BCL9L: variants seen among roughly 807,000 people sequenced by gnomAD.
The protein encoded by BCL9L is B-cell CLL/lymphoma 9-like protein.
In BCL9L, 19 loss-of-function variants were observed where a neutral mutation model predicts 99.4. The observed-to-expected ratio is 0.19, with a 90% CI of 0.13 to 0.28. The LOEUF (loss-of-function observed/expected upper bound fraction) is 0.28. Ranked by LOEUF, BCL9L falls within the 10% of genes least tolerant of loss-of-function variation. The probability of loss-of-function intolerance (pLI) is 1.00; values close to 1 mark genes in which losing one functional copy is unlikely to be tolerated. For synonymous variants in BCL9L, 900 were observed against 854.8 expected, an observed-to-expected ratio of 1.05 and a Z score of -0.92; for missense variants, 2,023 against 2,101.6, an observed-to-expected ratio of 0.96 and a Z score of 0.73.
rs1318839227 is a variant in BCL9L, at chr11:118,908,470, C to T, written c.212G>A (p.Gly71Asp). The T allele has an allele frequency of 3.7e-6, 6 of 1,614,154 alleles. No homozygotes were observed. Among genetic ancestry groups the T allele is most frequent in the East Asian group, 4.5e-5 (2 of 44,878 alleles). The change falls in exon 4 of 10, where the codon GGC becomes GAC. Residue 71 changes from glycine (G) to aspartate (D), a missense_variant. By Grantham distance (94) the Gly-to-Asp change is moderately conservative. Around this residue, in one of 3 missense-constraint regions of BCL9L, gnomAD observed 1,116 missense variants for 1,194.6 expected, o/e 0.93. Transcript: ENST00000683865. ...NVNQGPTCNV[G>D]SKGVGAGNHG... ...GTTCCCCGCCCCCACGCCCTTCGAGCCCACGTTGCAGGTGGGTCCTTGGTT... is the reference window on the plus strand; with the variant it reads ...GTTCCCCGCCCCCACGCCCTTCGAGTCCACGTTGCAGGTGGGTCCTTGGTT...
chr11:118,913,628 G>A (rs189183850), intron 2 of BCL9L, among the ~76,000 whole-genome samples: 69 of 152,150 alleles, frequency 4.5e-4, no homozygotes, highest in Admixed American at 1.0e-3. Flanking sequence ...GGCAGGCGGC[G>A]GGCACTCTGG....
At chr11:118,923,110 C>G (rs1941189622) in intron 1 of BCL9L, among the ~76,000 whole-genome samples, 1 of 152,088 alleles carries the variant, frequency 6.6e-6, no homozygotes, top group Non-Finnish European at 1.5e-5. Flanking sequence ...GACAGTGGCT[C>G]CCTCCACTCC....
chr11:118,915,156 C>T (rs1270619339), intron 2 of BCL9L, among the ~76,000 whole-genome samples: 1 of 152,084 alleles, frequency 6.6e-6, no homozygotes, highest in Non-Finnish European at 1.5e-5. Flanking sequence ...AGTTTGTAGT[C>T]AGACAGTGTC....
In BCL9L at chr11:118,898,996, C is replaced by T. The variant is rs779741410; in HGVS notation, c.3919G>A (p.Asp1307Asn). The change falls in exon 10 of 10, where the codon GAC becomes AAC. Residue 1307 changes from aspartate to asparagine, a missense_variant. Asp to Asn is a conservative substitution (Grantham distance 23). Transcript: ENST00000683865. ...CGGATCACCTCGCTCAGCTCGGGGTCGTTCAGCACTGATGCCACCCCAGGG... is the reference window on the plus strand; with the variant it reads ...CGGATCACCTCGCTCAGCTCGGGGTTGTTCAGCACTGATGCCACCCCAGGG... Reference protein sequence around the residue: ...VLPGVASVLNDPELSEVIRPT... With the variant: ...VLPGVASVLNNPELSEVIRPT... 8 of 1,613,652 alleles carry T rather than the reference C, an allele frequency of 5.0e-6. No individual in the cohort carries two copies. In the Admixed American group the frequency reaches 5.0e-5, roughly 10 times the overall value.
In BCL9L at chr11:118,901,045, CAGG is replaced by C. The variant is rs773238036; in HGVS notation, c.2695_2697del (p.Pro899del). 1.3e-6 allele frequency: 2 copies of C among 1,593,168 alleles called. No homozygotes were observed. Among genetic ancestry groups the C allele is most frequent in the Non-Finnish European group, 8.6e-7 (1 of 1,169,210 alleles). On this transcript the variant is annotated inframe_deletion, in exon 8 of 10. Transcript: ENST00000683865. This position sits in a 1 kb window ranked among gnomAD's most constrained non-coding sequence, Gnocchi z 6.6. ...CGGTTTGGGGCTGAATGCACGGTCC[CAGG>C]AGGATTGGACGCAGGGGGCAGAGGC...
intron 2 of BCL9L, chr11:118,911,343 C>G (rs1203310653): frequency 2.3e-6 from 1 of 443,136 alleles, no homozygotes; most frequent in South Asian, 1.6e-5. Flanking sequence ...TGGGCGGGGA[C>G]CTGGGGGTGA....
At chr11:118,911,061 A>C (rs920577421) in intron 2 of BCL9L, among the ~76,000 whole-genome samples, 1 of 152,188 alleles carries the variant, frequency 6.6e-6, no homozygotes, top group Non-Finnish European at 1.5e-5. Context: ...GGCCGGCCAC[A>C]AGAGAGCCGA....
At position 118,901,678 on chromosome 11, in the gene BCL9L, T is replaced by G. The variant is rs773899344; in HGVS notation, c.2065A>C (p.Met689Leu). ...ATGCCCAGGGGGCGCTGCATGCCCA[T>G]CGACCGCTTCTCCAGCAGCTGGTGC... ...LRHQLLEKRS[M>L]GMQRPLGMAG... The change falls in exon 8 of 10, where the codon ATG becomes CTG. Residue 689 changes from methionine (M) to leucine (L), a missense_variant. Coordinates refer to ENST00000683865, the MANE Select transcript of BCL9L (RefSeq NM_001378213.1). The surrounding 1 kb of genome is among the most constrained non-coding windows in gnomAD (Gnocchi z 6.6). 4.7e-5 allele frequency: 76 copies of G among 1,613,570 alleles called. No individual in the cohort carries two copies. In the East Asian group the frequency reaches 1.7e-3, roughly 36 times the overall value.
chr11:118,907,503 T>C lies in BCL9L; in HGVS notation c.512A>G (p.Lys171Arg). 6.2e-7 allele frequency: 1 copy of C among 1,614,226 alleles called. No homozygotes were observed. Among genetic ancestry groups the C allele is most frequent in the Non-Finnish European group, 8.5e-7 (1 of 1,180,034 alleles). The change falls in exon 5 of 10, where the codon AAG becomes AGG. Residue 171 changes from lysine to arginine, a missense_variant. Around this residue, in one of 3 missense-constraint regions of BCL9L, gnomAD observed 1,116 missense variants for 1,194.6 expected, o/e 0.93. Coordinates refer to ENST00000683865, the MANE Select transcript of BCL9L (RefSeq NM_001378213.1). ...CTCACTGTGGGTGGCCCCAATGGGC[T>C]TGTCGTCCTCCTCACTGTCCGGTCC... is the stretch of plus-strand genomic sequence containing the variant. ...CSGPDSEEDD[K>R]PIGATHNCNV...
At chr11:118,910,359 C>T (rs1940727313) in intron 2 of BCL9L, 1 of 183,802 alleles carries the variant, frequency 5.4e-6, no homozygotes, top group Admixed American at 5.5e-5. Flanking sequence ...AGACGCGCCC[C>T]TCACCCAGGG....
Position 118,898,313 on chromosome 11 carries a change from ACC to A in BCL9L, c.*100_*101del. 1 of 273,720 alleles carries A rather than the reference ACC, an allele frequency of 3.7e-6. No homozygotes were observed. Among genetic ancestry groups the A allele is most frequent in the Non-Finnish European group, 5.6e-6 (1 of 177,582 alleles). 17.0% of individuals were successfully genotyped at this position (273,720 alleles called of 1,614,324 possible). On this transcript the variant is annotated 3_prime_UTR_variant, in exon 10 of 10. Transcript: ENST00000683865. ...ACACAAGCCCCCTCCCACCCCCTCC[ACC>A]CCACCCCGCGACCCAGGCCATCCCA...
chr11:118,909,392 A>T (rs551225201), intron 3 of BCL9L, among the ~76,000 whole-genome samples: 1 of 152,290 alleles, frequency 6.6e-6, no homozygotes, highest in South Asian at 2.1e-4. Context: ...ACCTATTAAT[A>T]GCCGCTGGAA....
At chr11:118,909,814 C>T (rs1405409502) in intron 3 of BCL9L, 100 bp downstream of exon 3, 6 of 1,583,678 alleles carry the variant, frequency 3.8e-6, no homozygotes, top group Non-Finnish European at 5.2e-6. Context: ...CCCAGGGCGG[C>T]TCCTCTCCTG....
chr11:118,907,695 C>T, intron 4 of BCL9L, 93 bp from the exon 5 acceptor site: 1 of 1,548,284 alleles, frequency 6.5e-7, no homozygotes, highest in Non-Finnish European at 8.7e-7. Context: ...CTCTAAGATG[C>T]CCCACCCTAG....
chr11:118,899,898 C>A lies in BCL9L; in HGVS notation c.3406+19G>T, dbSNP rs1591975835. 1 of 1,607,342 alleles carries A rather than the reference C, an allele frequency of 6.2e-7. No homozygotes were observed. The highest frequency in any genetic ancestry group is 2.2e-5 in the East Asian group (1 of 44,784). Reference sequence around the variant, plus strand: ...CCCACACCAGCTGGCCTCCCTGGGGCCCTGGCCTGTCCTCGCACCTGGCCC... The same window carrying A: ...CCCACACCAGCTGGCCTCCCTGGGGACCTGGCCTGTCCTCGCACCTGGCCC... On this transcript the variant is annotated intron_variant, in intron 9 of 9. Transcript: ENST00000683865.
chr11:118,899,997 G>A lies in BCL9L; in HGVS notation c.3326C>T (p.Thr1109Ile). The change falls in exon 9 of 10, where the codon ACC becomes ATC. Residue 1109 changes from threonine to isoleucine, a missense_variant. Physicochemically the swap from Thr to Ile is moderately conservative, Grantham distance 89. Coordinates refer to ENST00000683865, the MANE Select transcript of BCL9L (RefSeq NM_001378213.1). The stretch of plus-strand genomic sequence containing the variant: ...CAGCTCGTCGTCTGAGGTGGCGATG[G>A]TCTTGATGGCATTGTGGTAGAGCGG... The part of the protein sequence containing the change: ...STPLYHNAIK[T>I]IATSDDELLP... 1 of 1,614,100 alleles carries A rather than the reference G, an allele frequency of 6.2e-7. No homozygotes were observed. The highest frequency in any genetic ancestry group is 1.7e-5 in the Admixed American group (1 of 60,020).
At position 118,897,995 on chromosome 11, in the gene BCL9L, T is replaced by A; in HGVS notation, c.*420A>T. ...CAAGAGGGAGGTGGAGCTCCAGCAA[T>A]GCGGACACGAGGAGACAGGAGCAGA... On this transcript the variant is annotated 3_prime_UTR_variant, in exon 10 of 10. Coordinates refer to ENST00000683865, the MANE Select transcript of BCL9L (RefSeq NM_001378213.1). The A allele has an allele frequency of 2.4e-6, 1 of 416,208 alleles. No homozygotes were observed. The highest frequency in any genetic ancestry group is 4.7e-6 in the Non-Finnish European group (1 of 212,784). The allele number at this position is 416,208 out of a possible 1,614,324, so 25.8% of individuals were successfully genotyped here.
chr11:118,899,937 G>A lies in BCL9L; in HGVS notation c.3386C>T (p.Pro1129Leu). ...PDRPLLPPPP[P>L]PQGSGPGISN... ...CGCACCTGGCCCGGAGCCCTGCGGT[G>A]GTGGTGGGGGGGGCAGCAGGGGCCG... Residue 1129 changes from proline to leucine, a missense_variant, in exon 9 of 10, where the codon CCA (proline) becomes CTA (leucine). Coordinates refer to ENST00000683865, the MANE Select transcript of BCL9L (RefSeq NM_001378213.1). The A allele has an allele frequency of 1.2e-6, 2 of 1,613,332 alleles. No homozygotes were observed. The highest frequency in any genetic ancestry group is 1.7e-6 in the Non-Finnish European group (2 of 1,179,884).
At position 118,902,396 on chromosome 11, in the gene BCL9L, AG is replaced by A. The variant is rs754310793; in HGVS notation, c.1346del (p.Pro449LeufsTer14). The A allele has an allele frequency of 1.5e-5, 7 of 453,388 alleles. No individual in the cohort carries two copies. Among genetic ancestry groups the A allele is most frequent in the South Asian group, 2.6e-5 (1 of 37,758 alleles). 28.1% of individuals were successfully genotyped at this position (453,388 alleles called of 1,614,324 possible). A position where few individuals can be genotyped will look rare whatever the true frequency, so the allele number is the denominator to read the frequency against. ...GGGCCGTGGGTGGCTGCTGGGGGGG[AG>A]GGGGGGCTTGTGCTGGTGGGCCCCC... ...GEGGPPAQAP[P>X]PPQQPPTAPP... On this transcript the variant is annotated frameshift_variant, in exon 8 of 10. Transcript: ENST00000683865. LOFTEE classifies it high-confidence loss of function. This position sits in a 1 kb window ranked among gnomAD's most constrained non-coding sequence, Gnocchi z 7.8.
Sources: gnomAD v4.1 joint callset for allele counts (sites outside exome capture counted in the v4.1 genomes callset) on GRCh38, gnomAD v4.1.1 for gene constraint, gnomAD v4.1.1 regional missense constraint, Gnocchi (gnomAD v3.1) non-coding constraint, MANE v1.5 for transcripts, NCBI Gene and HGNC (gene_info 2026-07-23, HGNC 2026-07-21) for gene names.